Variants in LRRTM4 observed in about 807,000 individuals in gnomAD.
The protein encoded by LRRTM4 is leucine-rich repeat transmembrane neuronal protein 4.
In LRRTM4, 25 loss-of-function variants were observed where a neutral mutation model predicts 47.6. That is an observed-to-expected ratio of 0.53 (90% confidence interval 0.38 to 0.73). The LOEUF (loss-of-function observed/expected upper bound fraction) is 0.73, where lower values mean the gene tolerates loss of function less well. LRRTM4 is among the 30% of genes least tolerant of loss of function. LRRTM4 has a pLI of 0.00. For synonymous variants in LRRTM4, 311 were observed against 269.5 expected (o/e 1.15, Z -1.51); for missense variants, 638 against 713.4 (o/e 0.89, Z 1.20).
intron 3 of LRRTM4, among the ~76,000 whole-genome samples, chr2:77,468,411 T>C (rs1181859911): frequency 6.6e-6 from 1 of 152,174 alleles, no homozygotes; most frequent in African/African-American, 2.4e-5. Flanking sequence ...AAGACAAGAA[T>C]GGGCAAAATA....
chr2:77,137,494 C>T (rs1241998665), intron 3 of LRRTM4, among the ~76,000 whole-genome samples: 2 of 151,866 alleles, frequency 1.3e-5, no homozygotes, highest in African/African-American at 2.4e-5. Context: ...TGGAAAGGAA[C>T]AATCAGTACC....
chr2:77,487,731 G>A (rs570936100), intron 3 of LRRTM4, among the ~76,000 whole-genome samples: 1 of 152,270 alleles, frequency 6.6e-6, no homozygotes, highest in Non-Finnish European at 1.5e-5. Context: ...CAGTTCCCCG[G>A]AAATGGAGTG....
intron 3 of LRRTM4, among the ~76,000 whole-genome samples, chr2:76,812,781 C>A (rs1452192900): frequency 7.8e-6 from 1 of 127,392 alleles, no homozygotes; most frequent in Non-Finnish European, 1.6e-5. Context: ...CCTCCCCCTC[C>A]TCCTCTCCCT....
intron 3 of LRRTM4, among the ~76,000 whole-genome samples, chr2:77,016,608 C>T (rs569279619): frequency 2.6e-5 from 4 of 152,224 alleles, no homozygotes; most frequent in African/African-American, 7.2e-5. Flanking sequence ...CCTCTCTCTT[C>T]TCACGCTAGG....
intron 3 of LRRTM4, among the ~76,000 whole-genome samples, chr2:76,959,446 G>A (rs975320940): frequency 2.7e-5 from 4 of 148,992 alleles, no homozygotes; most frequent in Non-Finnish European, 4.4e-5. Context: ...ATATTTCTGG[G>A]GAAAAAAAAC....
rs147408436 is a variant in LRRTM4, at chr2:77,361,386, T to G, written c.1551+156932A>C. The stretch of plus-strand genomic sequence containing the variant: ...GCTAAACTCTACCCCTTTTTAAAAC[T>G]TTTCCTTCCTGTTGCTTTCTAAGAC... On this transcript the variant is annotated intron_variant, in intron 3 of 3. Transcript: ENST00000409884. Among the ~76,000 whole-genome samples the G allele has an allele frequency of 4.1e-3, 617 of 152,270 alleles. 6 individuals are homozygous for G. Among genetic ancestry groups the G allele is most frequent in the African/African-American group, 0.013 (522 of 41,562 alleles).
chr2:76,869,562 T>A lies in LRRTM4; in HGVS notation c.1552-120646A>T, dbSNP rs549289944. On this transcript the variant is annotated intron_variant, in intron 3 of 3. Transcript: ENST00000409884. ...GGAAAGGGTAGATGATTGATTTTTT[T>A]AAAAAAAGTCAAACCTTTAGGGGGA... is the stretch of plus-strand genomic sequence containing the variant. Among the ~76,000 whole-genome samples, 12 of 152,096 alleles carry A rather than the reference T, an allele frequency of 7.9e-5. No homozygotes were observed. In the South Asian group the frequency reaches 8.3e-4, roughly 11 times the overall value.
At chr2:77,298,056 AAG>A (rs1172121547) in intron 3 of LRRTM4, among the ~76,000 whole-genome samples, 9 of 152,206 alleles carry the variant, frequency 5.9e-5, no homozygotes, top group African/African-American at 2.2e-4. Context: ...AGAGAGAGTA[AAG>A]AGAGAGTAAA....
Position 77,012,846 on chromosome 2 carries a change from C to T in LRRTM4, c.1552-263930G>A, listed in dbSNP as rs144168808. On this transcript the variant is annotated intron_variant, in intron 3 of 3. Transcript: ENST00000409884. The stretch of plus-strand genomic sequence containing the variant: ...TTTGCTGGTTAAGCCTAAGCCACCA[C>T]GGATATATAATACCAATTTGTAATT... Among the ~76,000 whole-genome samples the T allele has an allele frequency of 1.0e-3, 159 of 152,242 alleles. 2 individuals carry two copies. The highest frequency in any genetic ancestry group is 0.01 in the Middle Eastern group (3 of 294).
chr2:76,969,779 A>G (rs947462215), intron 3 of LRRTM4, among the ~76,000 whole-genome samples: 2 of 151,956 alleles, frequency 1.3e-5, no homozygotes, highest in African/African-American at 2.4e-5. Flanking sequence ...TATTTTACCA[A>G]TGTTATCTTC....
chr2:76,761,224 A>G (rs1673241912), intron 3 of LRRTM4, among the ~76,000 whole-genome samples: 1 of 152,226 alleles, frequency 6.6e-6, no homozygotes, highest in South Asian at 2.1e-4. Context: ...GCTGCTTCCC[A>G]ATCAAAAACC....
At chr2:76,872,617 T>G (rs1436162065) in intron 3 of LRRTM4, among the ~76,000 whole-genome samples, 2 of 152,022 alleles carry the variant, frequency 1.3e-5, no homozygotes, top group Non-Finnish European at 2.9e-5. Flanking sequence ...ATATCTTGTT[T>G]CCTAAGTTTG....
At chr2:77,318,338 G>A (rs1305850631) in intron 3 of LRRTM4, among the ~76,000 whole-genome samples, 1 of 152,070 alleles carries the variant, frequency 6.6e-6, no homozygotes, top group Non-Finnish European at 1.5e-5. Context: ...AAACACATTT[G>A]CATGGTAAAT....
intron 3 of LRRTM4, among the ~76,000 whole-genome samples, chr2:77,074,660 G>A (rs1456870026): frequency 1.3e-5 from 2 of 152,080 alleles, no homozygotes; most frequent in Non-Finnish European, 2.9e-5. Context: ...AGAAAAAGAA[G>A]TACTGATTTT....
intron 3 of LRRTM4, among the ~76,000 whole-genome samples, chr2:77,151,680 A>T (rs1271693976): frequency 2.0e-5 from 3 of 152,208 alleles, no homozygotes; most frequent in Non-Finnish European, 4.4e-5. Context: ...AGTCACAGAA[A>T]AACAAAGATT....
chr2:77,260,268 T>C (rs1558657937), intron 3 of LRRTM4, among the ~76,000 whole-genome samples: 2 of 151,860 alleles, frequency 1.3e-5, no homozygotes, highest in African/African-American at 4.8e-5. Context: ...ATACAGAAAA[T>C]ATGAACGAGT....
At chr2:77,066,226 A>G (rs1038343658) in intron 3 of LRRTM4, among the ~76,000 whole-genome samples, 6 of 151,452 alleles carry the variant, frequency 4.0e-5, no homozygotes, top group Non-Finnish European at 8.9e-5. Flanking sequence ...GACCTTCAAT[A>G]TAGTACGTAG....
chr2:77,230,249 G>T (rs1309209429), intron 3 of LRRTM4, among the ~76,000 whole-genome samples: 2 of 152,064 alleles, frequency 1.3e-5, no homozygotes, highest in African/African-American at 2.4e-5. Flanking sequence ...ATTATTCAAT[G>T]CTAGTAAATT....
chr2:77,173,202 T>C (rs541966582), intron 3 of LRRTM4, among the ~76,000 whole-genome samples: 1 of 152,332 alleles, frequency 6.6e-6, no homozygotes, highest in South Asian at 2.1e-4. Flanking sequence ...GAATCTGAAA[T>C]TGAATTCGGC....
Sources: gnomAD v4.1 joint callset for allele counts (sites outside exome capture counted in the v4.1 genomes callset) on GRCh38, gnomAD v4.1.1 for gene constraint, MANE v1.5 for transcripts, NCBI Gene and HGNC (gene_info 2026-07-23, HGNC 2026-07-21) for gene names.